Variants in UBE2K observed in about 807,000 individuals in gnomAD.
The protein encoded by UBE2K is ubiquitin-conjugating enzyme E2 K.
UBE2K carries 6 observed loss-of-function variants against 30.0 expected under a neutral mutation model. The ratio of observed to expected loss-of-function variants is 0.20; its 90% CI spans 0.11 to 0.39. The LOEUF (loss-of-function observed/expected upper bound fraction) is 0.39. UBE2K is among the 10% of genes least tolerant of loss of function. UBE2K has a pLI of 1.00. For synonymous variants in UBE2K, 86 were observed against 83.7 expected (o/e 1.03, Z -0.15); for missense variants, 61 against 241.6 (o/e 0.25, Z 4.96).
chr4:39,715,006 A>G (rs1718967733), intron 1 of UBE2K, among the ~76,000 whole-genome samples: 1 of 150,824 alleles, frequency 6.6e-6, no homozygotes, highest in South Asian at 2.1e-4. Context: ...CTACAGGTAC[A>G]AGCCACCACT....
rs917847547 is a variant in UBE2K at position 39,780,488 on chromosome 4, C to T, written c.*2054C>T. ...GTCAAGCATTTTACATATATACATA[C>T]ATACATGCTCTTGGAGGCAGCTATA... On this transcript the variant is annotated 3_prime_UTR_variant, in exon 7 of 7. Coordinates refer to ENST00000261427, the MANE Select transcript of UBE2K (RefSeq NM_005339.5). 6.6e-6 allele frequency: 1 copy of T among 152,060 alleles called. No individual in the cohort carries two copies. The highest frequency in any genetic ancestry group is 2.4e-5 in the African/African-American group (1 of 41,426). 9.4% of individuals were successfully genotyped at this position (152,060 alleles called of 1,614,324 possible).
At chr4:39,701,350 TAA>T (rs1469749589) in intron 1 of UBE2K, among the ~76,000 whole-genome samples, 5 of 152,206 alleles carry the variant, frequency 3.3e-5, no homozygotes, top group Admixed American at 6.5e-5. Context: ...GTTTTATTCA[TAA>T]GTTTTATTAT....
At chr4:39,734,957 A>C (rs1390343671) in intron 1 of UBE2K, among the ~76,000 whole-genome samples, 1 of 152,236 alleles carries the variant, frequency 6.6e-6, no homozygotes, top group African/African-American at 2.4e-5. Flanking sequence ...TTCCCAAAAA[A>C]CTTTAATCAG....
chr4:39,709,411 A>G (rs958148343), intron 1 of UBE2K, among the ~76,000 whole-genome samples: 2 of 152,026 alleles, frequency 1.3e-5, no homozygotes, highest in African/African-American at 4.8e-5. Flanking sequence ...GTCCACCCTT[A>G]TCTGCAGTTT....
intron 1 of UBE2K, among the ~76,000 whole-genome samples, chr4:39,736,613 GT>G (rs1204673080): frequency 6.6e-6 from 1 of 152,216 alleles, no homozygotes; most frequent in Non-Finnish European, 1.5e-5. Flanking sequence ...CCACTGGATG[GT>G]TTTCTGAATC....
At position 39,777,789 on chromosome 4, in the gene UBE2K, A is replaced by T. The variant is rs1440947681; in HGVS notation, c.507A>T (p.Leu169=). ...SPEYTKKIEN[L]CAMGFDRNAV... The stretch of plus-strand genomic sequence containing the variant: ...AATACACCAAAAAAATAGAAAACCT[A>T]TGTGCTATGGGCTTTGATAGGGTAA... The change falls in exon 6 of 7, where the codon CTA becomes CTT. Residue 169 remains leucine, a synonymous_variant. Coordinates refer to ENST00000261427, the MANE Select transcript of UBE2K (RefSeq NM_005339.5). 6.5e-7 allele frequency: 1 copy of T among 1,537,074 alleles called. No homozygotes were observed. The highest frequency in any genetic ancestry group is 8.7e-7 in the Non-Finnish European group (1 of 1,151,622).
At chr4:39,771,102 C>T (rs900214211) in intron 4 of UBE2K, 6 of 1,612,596 alleles carry the variant, frequency 3.7e-6, no homozygotes, top group Admixed American at 3.3e-5. Context: ...CCACGTGCTC[C>T]ATCTGCAGGT....
chr4:39,758,413 C>T (rs1178825712), intron 4 of UBE2K, among the ~76,000 whole-genome samples: 1 of 152,188 alleles, frequency 6.6e-6, no homozygotes, highest in Non-Finnish European at 1.5e-5. Flanking sequence ...TGCAGTGGCT[C>T]ATGCCTGTAA....
chr4:39,712,195 CTTT>C (rs34711359), intron 1 of UBE2K, among the ~76,000 whole-genome samples: 271 of 58,328 alleles, frequency 4.6e-3, no homozygotes, highest in African/African-American at 0.02. Flanking sequence ...CACCGACAAC[CTTT>C]TTTTTTTTTT....
Position 39,770,329 on chromosome 4 carries a change from TG to T in UBE2K, c.300-4504del, listed in dbSNP as rs1436949849. On this transcript the variant is annotated intron_variant, in intron 4 of 6. Coordinates refer to ENST00000261427, the MANE Select transcript of UBE2K (RefSeq NM_005339.5). The stretch of plus-strand genomic sequence containing the variant: ...GACTTGACACCACGATGCACGTTCC[TG>T]TGGTGGTTGAGGTTGTTGCTGTGGT... 10 of 1,613,418 alleles carry T rather than the reference TG, an allele frequency of 6.2e-6. No homozygotes were observed. The Admixed American group carries it at 1.2e-4, about 19-fold the overall frequency.
At chr4:39,727,282 G>A (rs534358429) in intron 1 of UBE2K, among the ~76,000 whole-genome samples, 70 of 152,330 alleles carry the variant, frequency 4.6e-4, no homozygotes, top group Admixed American at 4.1e-3. Flanking sequence ...AGGTGATACT[G>A]GAGAGTAGGA....
chr4:39,768,834 T>A (rs1712533981), intron 4 of UBE2K, among the ~76,000 whole-genome samples: 1 of 152,220 alleles, frequency 6.6e-6, no homozygotes, highest in Non-Finnish European at 1.5e-5. Context: ...TAACGAGTGC[T>A]AGGTGATATC....
intron 1 of UBE2K, among the ~76,000 whole-genome samples, chr4:39,712,400 A>T: frequency 8.5e-6 from 1 of 117,988 alleles, no homozygotes; most frequent in Non-Finnish European, 1.7e-5. Context: ...TTTTTTCAGT[A>T]GAGACAGGGT....
At chr4:39,734,975 A>C (rs1347677898) in intron 1 of UBE2K, among the ~76,000 whole-genome samples, 1 of 152,214 alleles carries the variant, frequency 6.6e-6, no homozygotes, top group Non-Finnish European at 1.5e-5. Context: ...CAGATCCTTT[A>C]GTATCCTATC....
intron 4 of UBE2K, among the ~76,000 whole-genome samples, chr4:39,769,232 TTTG>T (rs1207673412): frequency 6.6e-6 from 1 of 151,352 alleles, no homozygotes; most frequent in Non-Finnish European, 1.5e-5. Flanking sequence ...TTTTTTTCGT[TTTG>T]TTTTTTGTTT....
chr4:39,740,064 A>T (rs746032573), intron 2 of UBE2K, among the ~76,000 whole-genome samples: 20 of 152,094 alleles, frequency 1.3e-4, no homozygotes, highest in Admixed American at 7.2e-4. Flanking sequence ...TTAAATGTAG[A>T]GGAGACCTTT....
At chr4:39,713,286 A>ATTTTTTTTTTTTTTTTTTTTTTTTTTT in intron 1 of UBE2K, among the ~76,000 whole-genome samples, 1 of 83,568 alleles carries the variant, frequency 1.2e-5, no homozygotes, top group Non-Finnish European at 2.1e-5. Context: ...TCTGTAGGAA[A>ATTTTTTTTTTTTTTTTTTTTTTTTTTT]TTTTTTTTTT....
intron 1 of UBE2K, among the ~76,000 whole-genome samples, chr4:39,722,502 G>A (rs1719479952): frequency 6.6e-6 from 1 of 152,152 alleles, no homozygotes; most frequent in Non-Finnish European, 1.5e-5. Flanking sequence ...AGTAAAGGAT[G>A]GATTACTTCT....
intron 1 of UBE2K, among the ~76,000 whole-genome samples, chr4:39,712,836 T>G (rs1035843826): frequency 6.6e-6 from 1 of 151,982 alleles, no homozygotes; most frequent in African/African-American, 2.4e-5. Context: ...TATTGGCCAT[T>G]AGGCTTTTGT....
Sources: allele counts gnomAD v4.1 joint callset (sites outside exome capture counted in the v4.1 genomes callset), GRCh38; gene constraint gnomAD v4.1.1; transcripts MANE v1.5; gene names NCBI Gene and HGNC (gene_info 2026-07-23, HGNC 2026-07-21).